Variants in ADCY9 observed in about 807,000 individuals in gnomAD.
ADCY9 encodes the protein adenylate cyclase 9, also known as adenylate cyclase type 9.
In ADCY9, 50 loss-of-function variants were observed where a neutral mutation model predicts 101.5. The observed-to-expected ratio is 0.49, with a 90% CI of 0.39 to 0.62. The LOEUF is 0.62. ADCY9 is among the 20% of genes least tolerant of loss of function. ADCY9 has a pLI of 0.00. For missense variants in ADCY9, 1,662 were observed against 1,800.4 expected, an observed-to-expected ratio of 0.92 and a Z score of 1.39; for synonymous variants, 905 against 769.3, an observed-to-expected ratio of 1.18 and a Z score of -2.92.
rs2055977869 is a variant in ADCY9, at chr16:3,965,169, CG to C, written c.*605del. ...ACGGGGCGCGGTGCTCGGGAAAGTGCGGGTGGGCAATGGGGGGTGGCGGAGC... is the reference window on the plus strand; with the variant it reads ...ACGGGGCGCGGTGCTCGGGAAAGTGCGGTGGGCAATGGGGGGTGGCGGAGC... On this transcript the variant is annotated 3_prime_UTR_variant, in exon 11 of 11. Coordinates refer to ENST00000294016, the MANE Select transcript of ADCY9 (RefSeq NM_001116.4). The C allele has an allele frequency of 6.4e-6, 1 of 157,064 alleles. No individual in the cohort carries two copies. Among genetic ancestry groups the C allele is most frequent in the African/African-American group, 2.4e-5 (1 of 41,474 alleles). The allele number at this position is 157,064 out of a possible 1,614,324, so 9.7% of individuals were successfully genotyped here. A position where few individuals can be genotyped will look rare whatever the true frequency, so the allele number is the denominator to read the frequency against.
chr16:4,097,055 T>C (rs1276002878), intron 2 of ADCY9, among the ~76,000 whole-genome samples: 1 of 152,130 alleles, frequency 6.6e-6, no homozygotes, highest in Non-Finnish European at 1.5e-5. Flanking sequence ...TTAAGATAAA[T>C]ATACTTCTTG....
chr16:4,028,088 T>C (rs1027250866), intron 2 of ADCY9, among the ~76,000 whole-genome samples: 2 of 151,920 alleles, frequency 1.3e-5, no homozygotes, highest in Non-Finnish European at 2.9e-5. Flanking sequence ...TTGGGAAAGA[T>C]TTTTGGGGGG....
intron 2 of ADCY9, among the ~76,000 whole-genome samples, chr16:4,101,687 G>C (rs1401289708): frequency 1.3e-5 from 2 of 152,184 alleles, no homozygotes; most frequent in South Asian, 2.1e-4. Context: ...GCCAATGGTA[G>C]GAACCCATTC....
intron 2 of ADCY9, among the ~76,000 whole-genome samples, chr16:4,043,957 T>A (rs77534289): frequency 0.021 from 3,153 of 152,320 alleles, 118 homozygotes; most frequent in African/African-American, 0.073. Flanking sequence ...GTTGTTTTTT[T>A]ATTTTTGTTT....
intron 2 of ADCY9, among the ~76,000 whole-genome samples, chr16:4,030,583 G>A (rs1467265660): frequency 6.6e-6 from 1 of 151,986 alleles, no homozygotes; most frequent in African/African-American, 2.4e-5. Context: ...GGTGCCTGTA[G>A]TCCCAGCTCC....
At chr16:4,060,354 G>A (rs528692074) in intron 2 of ADCY9, among the ~76,000 whole-genome samples, 1 of 152,274 alleles carries the variant, frequency 6.6e-6, no homozygotes, top group East Asian at 1.9e-4. Flanking sequence ...GAGGGCCCTG[G>A]TTATCCACTC....
At chr16:3,956,488 C>CTTTTTTTTTTTTTTTTTTT (rs1555504577) in intron 5 of ADCY9, among the ~76,000 whole-genome samples, 4 of 68,760 alleles carry the variant, frequency 5.8e-5, no homozygotes, top group South Asian at 6.0e-4. Context: ...GCGCAATGAG[C>CTTTTTTTTTTTTTTTTTTT]TTTTTTTTTT....
At chr16:4,039,465 G>C (rs1292125783) in intron 2 of ADCY9, among the ~76,000 whole-genome samples, 1 of 151,808 alleles carries the variant, frequency 6.6e-6, no homozygotes, top group African/African-American at 2.4e-5. Flanking sequence ...GATGTTCTGA[G>C]GTCAGGAGTT....
rs1262315003 is a variant in ADCY9 at position 3,964,149 on chromosome 16, C to G, written c.*1626G>C. 2 of 152,278 alleles carry G rather than the reference C, an allele frequency of 1.3e-5. No homozygotes were observed. The highest frequency in any genetic ancestry group is 1.9e-4 in the East Asian group (1 of 5,196). 9.4% of individuals were successfully genotyped at this position (152,278 alleles called of 1,614,324 possible). A position where few individuals can be genotyped will look rare whatever the true frequency, so the allele number is the denominator to read the frequency against. On this transcript the variant is annotated 3_prime_UTR_variant, in exon 11 of 11. Coordinates refer to ENST00000294016, the MANE Select transcript of ADCY9 (RefSeq NM_001116.4). ...GGAGTAGTGATGATGGGGACTGATG[C>G]GGTGTGAAAACGAGACAGTGAGATT...
chr16:3,962,048 A>AT (rs1188888445), downstream of ADCY9, among the ~76,000 whole-genome samples: 1 of 151,446 alleles, frequency 6.6e-6, no homozygotes, highest in East Asian at 1.9e-4. Flanking sequence ...TTAAAAAAAA[A>AT]ATAACTCATC....
chr16:4,029,315 C>A (rs2056538835), intron 2 of ADCY9, among the ~76,000 whole-genome samples: 1 of 152,040 alleles, frequency 6.6e-6, no homozygotes, highest in Non-Finnish European at 1.5e-5. Flanking sequence ...GAACCATATG[C>A]CAATTGCCAA....
At position 3,965,908 on chromosome 16, in the gene ADCY9, C is replaced by A. The variant is rs1299789359; in HGVS notation, c.3929G>T (p.Arg1310Ile). 6.2e-7 allele frequency: 1 copy of A among 1,614,214 alleles called. No homozygotes were observed. Among genetic ancestry groups the A allele is most frequent in the Admixed American group, 1.7e-5 (1 of 60,030 alleles). ...QAKDAHLSPK[R>I]PWKEPVKAEE... ...GGCTTTGACGGGCTCCTTCCACGGT[C>A]TCTTGGGGGACAGGTGGGCATCCTT... is the stretch of plus-strand genomic sequence containing the variant. The change falls in exon 11 of 11, where the codon AGA (arginine) becomes ATA (isoleucine). Residue 1310 changes from arginine to isoleucine, a missense_variant. Arg to Ile is a moderately conservative substitution (Grantham distance 97, BLOSUM62 -3). Coordinates refer to ENST00000294016, the MANE Select transcript of ADCY9 (RefSeq NM_001116.4).
intron 2 of ADCY9, among the ~76,000 whole-genome samples, chr16:4,056,107 C>G (rs2056736085): frequency 6.6e-6 from 1 of 152,190 alleles, no homozygotes; most frequent in Non-Finnish European, 1.5e-5. Context: ...GCCCTCCCCG[C>G]AAGGAGGTTG....
intron 2 of ADCY9, among the ~76,000 whole-genome samples, chr16:4,100,393 G>A (rs745395520): frequency 2.0e-5 from 3 of 151,960 alleles, no homozygotes; most frequent in South Asian, 2.1e-4. Context: ...ACAGTGGCGC[G>A]ATCTGGGCTC....
chr16:4,012,475 C>CCAA (rs71394638), intron 2 of ADCY9, among the ~76,000 whole-genome samples: 1 of 139,008 alleles, frequency 7.2e-6, no homozygotes, highest in Non-Finnish European at 1.5e-5. Flanking sequence ...GCAGAAGGTC[C>CCAA]AAAAAAAAAA....
chr16:3,988,164 G>A (rs2056210307), intron 6 of ADCY9, among the ~76,000 whole-genome samples: 1 of 152,154 alleles, frequency 6.6e-6, no homozygotes, highest in Non-Finnish European at 1.5e-5. Context: ...GGAGAAGGAA[G>A]TGTATGAAGG....
intron 2 of ADCY9, among the ~76,000 whole-genome samples, chr16:4,059,645 T>C (rs1398357002): frequency 6.6e-6 from 1 of 151,660 alleles, no homozygotes; most frequent in Non-Finnish European, 1.5e-5. Context: ...CACCTGCAAT[T>C]GTAGCACTTT....
chr16:4,037,437 T>C (rs1485331390), intron 2 of ADCY9, among the ~76,000 whole-genome samples: 2 of 152,132 alleles, frequency 1.3e-5, no homozygotes, highest in Non-Finnish European at 1.5e-5. Context: ...CATATACATA[T>C]ACCACAGTTT....
chr16:4,008,074 A>G (rs1008328183), intron 2 of ADCY9, among the ~76,000 whole-genome samples: 1 of 152,090 alleles, frequency 6.6e-6, no homozygotes, highest in African/African-American at 2.4e-5. Context: ...GAGGCCATTA[A>G]AACCTCCCCA....
Sources: gnomAD v4.1 joint callset for allele counts (sites outside exome capture counted in the v4.1 genomes callset) on GRCh38, gnomAD v4.1.1 for gene constraint, MANE v1.5 for transcripts, NCBI Gene and HGNC (gene_info 2026-07-23, HGNC 2026-07-21) for gene names.